Variants in DESI2 observed in about 807,000 individuals in gnomAD.
The protein encoded by DESI2 is deubiquitinase DESI2.
DESI2 carries 10 observed loss-of-function variants against 24.1 expected under a neutral mutation model. That is an observed-to-expected ratio of 0.41 (90% CI 0.26 to 0.70). The LOEUF is 0.70. DESI2 is among the 30% of genes least tolerant of loss of function. The pLI is 0.29. For synonymous variants in DESI2, 71 were observed against 87.7 expected, an observed-to-expected ratio of 0.81 and a Z score of 1.06; for missense variants, 122 against 234.9, an observed-to-expected ratio of 0.52 and a Z score of 3.14.
intron 4 of DESI2, among the ~76,000 whole-genome samples, chr1:244,700,239 G>A (rs1318751251): frequency 2.6e-5 from 4 of 152,136 alleles, no homozygotes; most frequent in African/African-American, 9.7e-5. Context: ...GAAAAACTGG[G>A]TCTTGGGCAT....
intron 1 of DESI2, among the ~76,000 whole-genome samples, chr1:244,664,449 A>G (rs1440608228): frequency 6.6e-6 from 1 of 152,238 alleles, no homozygotes; most frequent in Non-Finnish European, 1.5e-5. Context: ...AAAGTTCAAT[A>G]TGAAATGAAG....
Position 244,689,036 on chromosome 1 carries a change from A to C in DESI2, c.116-213A>C, listed in dbSNP as rs1028364171. 2.0e-5 allele frequency among the ~76,000 whole-genome samples: 3 copies of C among 152,222 alleles called. No homozygotes were observed. Among genetic ancestry groups the C allele is most frequent in the Non-Finnish European group, 4.4e-5 (3 of 68,032 alleles). On this transcript the variant is annotated intron_variant, in intron 2 of 4. Coordinates refer to ENST00000302550, the MANE Select transcript of DESI2 (RefSeq NM_016076.5). This position sits in a 1 kb window ranked among gnomAD's most constrained non-coding sequence, Gnocchi z 4.0. ...AGAAAGGGAAATATGGCAGGCAAGA[A>C]TATCTTTGAGTGTCTTCTGTTATTT...
At chr1:244,702,678 C>T (rs539498653) in intron 4 of DESI2, among the ~76,000 whole-genome samples, 24 of 152,278 alleles carry the variant, frequency 1.6e-4, no homozygotes, top group African/African-American at 5.5e-4. Flanking sequence ...AACCAATAGA[C>T]ACGGCTGTGT....
At position 244,683,343 on chromosome 1, in the gene DESI2, G is replaced by A. The variant is rs984203224; in HGVS notation, c.43-3254G>A. On this transcript the variant is annotated intron_variant, in intron 1 of 4. Transcript: ENST00000302550. ...TTTTCTTTTTTTGAGACAGAGTCTC[G>A]CTCTGTCGCCCAGGCTGGAGTGCAG... Among the ~76,000 whole-genome samples, 5 of 151,510 alleles carry A rather than the reference G, an allele frequency of 3.3e-5. No homozygotes were observed. In the South Asian group the frequency reaches 8.3e-4, roughly 25 times the overall value.
chr1:244,657,917 G>C (rs1245743267), intron 1 of DESI2, among the ~76,000 whole-genome samples: 1 of 152,210 alleles, frequency 6.6e-6, no homozygotes, highest in Non-Finnish European at 1.5e-5. Context: ...GTGCAACTGT[G>C]ATGAAGCTGA....
intron 1 of DESI2, among the ~76,000 whole-genome samples, chr1:244,672,297 G>C (rs1475151882): frequency 6.6e-6 from 1 of 152,136 alleles, no homozygotes; most frequent in African/African-American, 2.4e-5. Context: ...TGGGAGATCT[G>C]GTTGTTTAAA....
intron 1 of DESI2, among the ~76,000 whole-genome samples, chr1:244,682,184 G>C (rs980555996): frequency 6.6e-6 from 1 of 152,160 alleles, no homozygotes; most frequent in African/African-American, 2.4e-5. Flanking sequence ...GCAGGTTGTG[G>C]CTGCTGGCTT....
chr1:244,660,001 TG>T (rs1675783019), intron 1 of DESI2, among the ~76,000 whole-genome samples: 1 of 152,224 alleles, frequency 6.6e-6, no homozygotes, highest in Admixed American at 6.5e-5. Flanking sequence ...CCTTCAGACT[TG>T]CAGTGGCATA....
At chr1:244,660,162 GTTGTT>G (rs1675789662) in intron 1 of DESI2, among the ~76,000 whole-genome samples, 2 of 74,836 alleles carry the variant, frequency 2.7e-5, no homozygotes, top group African/African-American at 1.4e-4. Context: ...TTCTTTTTTT[GTTGTT>G]GTTTTGTTGT....
intron 4 of DESI2, among the ~76,000 whole-genome samples, chr1:244,703,530 G>A (rs890117936): frequency 4.6e-5 from 7 of 151,958 alleles, no homozygotes; most frequent in Non-Finnish European, 1.5e-5. Flanking sequence ...AAATTTGTGT[G>A]TGTGTAAACA....
intron 1 of DESI2, among the ~76,000 whole-genome samples, chr1:244,660,110 A>G (rs777560597): frequency 1.3e-5 from 2 of 152,216 alleles, no homozygotes; most frequent in Admixed American, 6.5e-5. Flanking sequence ...TAAAAATACC[A>G]GAGAGCCTAC....
chr1:244,689,517 C>CT lies in DESI2; in HGVS notation c.209+185dup, dbSNP rs35130686. Among the ~76,000 whole-genome samples the CT allele has an allele frequency of 0.26, 38,721 of 148,956 alleles. 4,956 individuals are homozygous for CT. Among genetic ancestry groups the CT allele is most frequent in the South Asian group, 0.33 (1,577 of 4,710 alleles). On this transcript the variant is annotated intron_variant, in intron 3 of 4. Coordinates refer to ENST00000302550, the MANE Select transcript of DESI2 (RefSeq NM_016076.5). The surrounding 1 kb of genome is among the most constrained non-coding windows in gnomAD (Gnocchi z 4.0). The stretch of plus-strand genomic sequence containing the variant: ...TGCCTCAGGAAACTCATTTCTTTTC[C>CT]TTTTTTTTTTGAGATGGAGTCTCAC...
chr1:244,661,724 A>G (rs1675851714), intron 1 of DESI2, among the ~76,000 whole-genome samples: 1 of 152,126 alleles, frequency 6.6e-6, no homozygotes, highest in Non-Finnish European at 1.5e-5. Context: ...CCATGTCCCT[A>G]CAAAGGACAT....
In DESI2 at chr1:244,701,212, TCCACCCCCCCC is replaced by T. The variant is rs1394171230; in HGVS notation, c.352-4341_352-4331del. ...AGGGCATGACTGGACCACCTTCCCC[TCCACCCCCCCC>T]CCCCCCCCCCCGCCCTTTTAACTGC... On this transcript the variant is annotated intron_variant, in intron 4 of 4. Coordinates refer to ENST00000302550, the MANE Select transcript of DESI2 (RefSeq NM_016076.5). Among the ~76,000 whole-genome samples, 32 of 57,722 alleles carry T rather than the reference TCCACCCCCCCC, an allele frequency of 5.5e-4. 9 individuals are homozygous for T. The highest frequency in any genetic ancestry group is 3.9e-3 in the African/African-American group (32 of 8,294). The allele number at this position is 57,722 out of a possible 152,430, so 37.9% of individuals were successfully genotyped here. A position where few individuals can be genotyped will look rare whatever the true frequency, so the allele number is the denominator to read the frequency against.
At chr1:244,660,816 A>G (rs1305733568) in intron 1 of DESI2, among the ~76,000 whole-genome samples, 1 of 152,200 alleles carries the variant, frequency 6.6e-6, no homozygotes, top group Non-Finnish European at 1.5e-5. Flanking sequence ...CTTAATCATA[A>G]TACTAAATTC....
chr1:244,661,519 C>G (rs1675841476), intron 1 of DESI2, among the ~76,000 whole-genome samples: 1 of 152,106 alleles, frequency 6.6e-6, no homozygotes, highest in African/African-American at 2.4e-5. Flanking sequence ...ATTAACTCAT[C>G]ATTCACATTA....
At chr1:244,659,787 T>G (rs564987367) in intron 1 of DESI2, among the ~76,000 whole-genome samples, 6 of 152,318 alleles carry the variant, frequency 3.9e-5, no homozygotes, top group Admixed American at 3.9e-4. Flanking sequence ...GGGAACATTC[T>G]GGGGAGTCAT....
chr1:244,654,436 C>T (rs1034409132), intron 1 of DESI2, among the ~76,000 whole-genome samples: 1 of 152,160 alleles, frequency 6.6e-6, no homozygotes, highest in Non-Finnish European at 1.5e-5. Context: ...TTATAAGTTT[C>T]TAAATTTACA....
chr1:244,703,105 A>G (rs10803238), intron 4 of DESI2, among the ~76,000 whole-genome samples: 140,946 of 151,334 alleles, frequency 0.93, 65,728 homozygotes, highest in African/African-American at 0.98. Flanking sequence ...GGGTTCAAGC[A>G]ATTCTCCTGC....
Sources: gnomAD v4.1 joint callset for allele counts (sites outside exome capture counted in the v4.1 genomes callset) on GRCh38, gnomAD v4.1.1 for gene constraint, Gnocchi (gnomAD v3.1) non-coding constraint, MANE v1.5 for transcripts, NCBI Gene and HGNC (gene_info 2026-07-23, HGNC 2026-07-21) for gene names.